NBEA: variants seen among roughly 807,000 people sequenced by gnomAD.
NBEA encodes the protein lysosomal-trafficking regulator 2.
NBEA carries 44 observed loss-of-function variants against 343.4 expected under a neutral mutation model. The observed-to-expected ratio is 0.13, with a 90% confidence interval of 0.10 to 0.16. NBEA has a LOEUF of 0.16. Ranked by LOEUF, NBEA falls within the 10% of genes least tolerant of loss-of-function variation. NBEA has a pLI of 1.00. For missense variants in NBEA, 2,555 were observed against 3,631.3 expected (o/e 0.70, Z 7.62); for synonymous variants, 1,175 against 1,238.7 (o/e 0.95, Z 1.08).
chr13:35,197,580 C>T (rs553626534), intron 31 of NBEA, among the ~76,000 whole-genome samples: 13 of 151,770 alleles, frequency 8.6e-5, no homozygotes, highest in East Asian at 3.9e-4. Context: ...TGCAGTGGTG[C>T]GATCTTGGCT....
intron 1 of NBEA, among the ~76,000 whole-genome samples, chr13:35,027,215 G>T (rs2062046275): frequency 6.6e-6 from 1 of 152,122 alleles, no homozygotes; most frequent in Middle Eastern, 3.4e-3. Context: ...TAACAATTAT[G>T]TACAGGTTTT....
chr13:35,439,902 G>A (rs113254290), intron 39 of NBEA, among the ~76,000 whole-genome samples: 2,712 of 151,774 alleles, frequency 0.018, 100 homozygotes, highest in African/African-American at 0.06. Context: ...TTTTTGAGAC[G>A]GAGTTTCACT....
At chr13:35,641,470 C>G (rs1441934582) in intron 49 of NBEA, among the ~76,000 whole-genome samples, 1 of 152,046 alleles carries the variant, frequency 6.6e-6, no homozygotes, top group African/African-American at 2.4e-5. Context: ...TAGGTTAATA[C>G]AGGGGAATAC....
At chr13:35,529,054 A>T (rs1258673160) in intron 41 of NBEA, among the ~76,000 whole-genome samples, 1 of 152,150 alleles carries the variant, frequency 6.6e-6, no homozygotes, top group Non-Finnish European at 1.5e-5. Context: ...AACTTTGTTA[A>T]ACATGTACTT....
chr13:34,987,005 T>G (rs1206719576), intron 1 of NBEA, among the ~76,000 whole-genome samples: 1 of 151,030 alleles, frequency 6.6e-6, no homozygotes, highest in African/African-American at 2.4e-5. Context: ...ATTTAGTCCA[T>G]TTACATTTAA....
rs553543949 is a variant in NBEA at position 35,246,346 on chromosome 13, G to C, written c.5776+13727G>C. On this transcript the variant is annotated intron_variant, in intron 34 of 58. Coordinates refer to ENST00000379939, the MANE Select transcript of NBEA (RefSeq NM_001385012.1). ...AGTAAGCTACTGTGATTTTTTGGGGGATGTTAAAGACCCTTGTTTTGTCAT... is the reference window on the plus strand; with the variant it reads ...AGTAAGCTACTGTGATTTTTTGGGGCATGTTAAAGACCCTTGTTTTGTCAT... 9.9e-5 allele frequency among the ~76,000 whole-genome samples: 15 copies of C among 152,224 alleles called. No homozygotes were observed. The South Asian group carries it at 3.1e-3, about 32-fold the overall frequency.
chr13:35,596,539 G>A (rs889092365), intron 47 of NBEA, among the ~76,000 whole-genome samples: 21 of 152,092 alleles, frequency 1.4e-4, no homozygotes, highest in East Asian at 1.9e-4. Flanking sequence ...GCTAATGAAC[G>A]CAAGCTGGGA....
At chr13:35,425,961 G>T (rs1454683834) in intron 38 of NBEA, among the ~76,000 whole-genome samples, 1 of 152,140 alleles carries the variant, frequency 6.6e-6, no homozygotes, top group African/African-American at 2.4e-5. Flanking sequence ...CAGAGACCAG[G>T]ATTGCAACCC....
At chr13:35,459,012 C>A (rs991470296) in intron 40 of NBEA, among the ~76,000 whole-genome samples, 9 of 119,970 alleles carry the variant, frequency 7.5e-5, no homozygotes, top group African/African-American at 1.5e-4. Context: ...ACCGCCCCCC[C>A]CCCCCCACAC....
chr13:35,667,100 T>C (rs2085389694), intron 56 of NBEA, among the ~76,000 whole-genome samples: 1 of 152,230 alleles, frequency 6.6e-6, no homozygotes, highest in Admixed American at 6.5e-5. Flanking sequence ...ATCTGTGAGC[T>C]GTACCATTTT....
intron 41 of NBEA, among the ~76,000 whole-genome samples, chr13:35,478,392 A>G (rs1389462542): frequency 6.6e-6 from 1 of 152,104 alleles, no homozygotes; most frequent in Non-Finnish European, 1.5e-5. Context: ...ACCTTTTGGC[A>G]GTTGGAGGGG....
At chr13:35,410,192 A>G (rs2126354) in intron 38 of NBEA, among the ~76,000 whole-genome samples, 137,844 of 152,140 alleles carry the variant, frequency 0.91, 62,843 homozygotes, top group Admixed American at 0.95. Context: ...TCTGATTATA[A>G]AATCCTATCT....
At chr13:35,641,322 C>G (rs961092403) in intron 49 of NBEA, among the ~76,000 whole-genome samples, 4 of 152,112 alleles carry the variant, frequency 2.6e-5, no homozygotes, top group African/African-American at 4.8e-5. Context: ...AATCCCATAT[C>G]TAGGTATAGA....
chr13:35,402,155 A>C (rs2043031164), intron 38 of NBEA, among the ~76,000 whole-genome samples: 1 of 152,040 alleles, frequency 6.6e-6, no homozygotes, highest in African/African-American at 2.4e-5. Context: ...TATAAAATTT[A>C]AATATAATTG....
At chr13:35,115,855 A>G (rs1378397831) in intron 13 of NBEA, among the ~76,000 whole-genome samples, 2 of 152,228 alleles carry the variant, frequency 1.3e-5, no homozygotes, top group Non-Finnish European at 2.9e-5. Flanking sequence ...GTCCTATGAC[A>G]AGCAGTATTA....
At chr13:35,563,545 T>C (rs2079983351) in intron 44 of NBEA, among the ~76,000 whole-genome samples, 2 of 151,932 alleles carry the variant, frequency 1.3e-5, no homozygotes, top group Non-Finnish European at 2.9e-5. Context: ...ATCAAATACA[T>C]ATATGACTGT....
intron 27 of NBEA, 56 bp from the exon 28 acceptor site, chr13:35,176,940 C>A: frequency 8.5e-7 from 1 of 1,174,280 alleles, no homozygotes; most frequent in South Asian, 1.3e-5. Flanking sequence ...AGAAGTGATA[C>A]TTCTATATAT....
At chr13:35,400,577 A>G (rs2042958860) in intron 38 of NBEA, among the ~76,000 whole-genome samples, 1 of 152,058 alleles carries the variant, frequency 6.6e-6, no homozygotes, top group Non-Finnish European at 1.5e-5. Context: ...TAGAGCTCAT[A>G]TTATCCAAGA....
At chr13:35,553,271 T>G (rs1337911297) in intron 43 of NBEA, among the ~76,000 whole-genome samples, 1 of 152,122 alleles carries the variant, frequency 6.6e-6, no homozygotes, top group Non-Finnish European at 1.5e-5. Flanking sequence ...ATAATGCCAT[T>G]CTATCTTCAA....
Sources: gnomAD v4.1 joint callset for allele counts (sites outside exome capture counted in the v4.1 genomes callset) on GRCh38, gnomAD v4.1.1 for gene constraint, MANE v1.5 for transcripts, NCBI Gene and HGNC (gene_info 2026-07-23, HGNC 2026-07-21) for gene names.